Variants in CNTN1 observed in about 807,000 individuals in gnomAD.
CNTN1 encodes contactin-1.
A neutral mutation model predicts 126.4 loss-of-function variants in CNTN1; 38 were observed. The ratio of observed to expected loss-of-function variants is 0.30; its 90% CI spans 0.23 to 0.39. CNTN1 has a LOEUF of 0.39. Among genes scored for constraint, CNTN1 ranks in the 10% least tolerant of loss-of-function variants. The pLI is 1.00. For missense variants in CNTN1, 1,009 were observed against 1,248.4 expected (o/e 0.81, Z 2.89); for synonymous variants, 413 against 422.6 (o/e 0.98, Z 0.28).
At chr12:40,872,066 C>T (rs1449041222) in intron 1 of CNTN1, among the ~76,000 whole-genome samples, 3 of 152,030 alleles carry the variant, frequency 2.0e-5, no homozygotes, top group Non-Finnish European at 4.4e-5. Flanking sequence ...CCTCGGAAGT[C>T]ATCTACTGTG....
At chr12:40,900,536 C>G (rs757850567) in intron 1 of CNTN1, among the ~76,000 whole-genome samples, 1 of 152,106 alleles carries the variant, frequency 6.6e-6, no homozygotes, top group African/African-American at 2.4e-5. Flanking sequence ...TGATAAGGTA[C>G]CAACTCCACA....
intron 23 of CNTN1, among the ~76,000 whole-genome samples, chr12:41,038,671 C>G (rs560678331): frequency 6.6e-6 from 1 of 152,196 alleles, no homozygotes; most frequent in East Asian, 1.9e-4. Context: ...GCAACTTTCA[C>G]AAAATAGTGT....
At chr12:41,005,716 T>G (rs1948475212) in intron 17 of CNTN1, among the ~76,000 whole-genome samples, 1 of 152,230 alleles carries the variant, frequency 6.6e-6, no homozygotes, top group African/African-American at 2.4e-5. Flanking sequence ...ATTCTGCTGT[T>G]GATACTTGTG....
chr12:40,864,507 C>T (rs1300013861), intron 1 of CNTN1, among the ~76,000 whole-genome samples: 2 of 152,076 alleles, frequency 1.3e-5, no homozygotes, highest in Admixed American at 1.3e-4. Flanking sequence ...CCTCCTCTTA[C>T]CCCTGAGCAA....
At chr12:41,039,069 C>T (rs1174597645) in intron 23 of CNTN1, among the ~76,000 whole-genome samples, 1 of 152,162 alleles carries the variant, frequency 6.6e-6, no homozygotes, top group African/African-American at 2.4e-5. Flanking sequence ...GAATCTGAAT[C>T]ATAGAGTTTT....
chr12:40,998,986 A>C (rs1282805935), intron 17 of CNTN1, among the ~76,000 whole-genome samples: 1 of 152,120 alleles, frequency 6.6e-6, no homozygotes, highest in Non-Finnish European at 1.5e-5. Flanking sequence ...AATTTTTATA[A>C]TTTAGGATTT....
intron 1 of CNTN1, among the ~76,000 whole-genome samples, chr12:40,840,243 A>G (rs2136579098): frequency 6.6e-6 from 1 of 152,214 alleles, no homozygotes; most frequent in Middle Eastern, 3.4e-3. Context: ...AGTTTAAAAA[A>G]AGACAAAAGT....
chr12:41,034,443 G>A (rs1949212259), intron 23 of CNTN1, among the ~76,000 whole-genome samples: 1 of 152,108 alleles, frequency 6.6e-6, no homozygotes, highest in South Asian at 2.1e-4. Context: ...CACTACTCCT[G>A]TCCTCCCTTC....
At chr12:41,058,681 C>T (rs1262075914) in intron 23 of CNTN1, among the ~76,000 whole-genome samples, 2 of 151,902 alleles carry the variant, frequency 1.3e-5, no homozygotes, top group Non-Finnish European at 2.9e-5. Context: ...TGAGCCTTTT[C>T]AGAAAAGAAG....
intron 1 of CNTN1, among the ~76,000 whole-genome samples, chr12:40,754,768 T>C (rs1332292313): frequency 6.6e-6 from 1 of 152,146 alleles, no homozygotes; most frequent in African/African-American, 2.4e-5. Flanking sequence ...TCTTTTTTGC[T>C]TTATCACATC....
intron 15 of CNTN1, among the ~76,000 whole-genome samples, chr12:40,968,283 T>G (rs931574410): frequency 6.6e-6 from 1 of 152,206 alleles, no homozygotes; most frequent in African/African-American, 2.4e-5. Context: ...GGCCTTTTAC[T>G]TTCTTGGCAA....
At chr12:40,851,949 C>T (rs1265754260) in intron 1 of CNTN1, among the ~76,000 whole-genome samples, 3 of 152,164 alleles carry the variant, frequency 2.0e-5, no homozygotes, top group African/African-American at 7.2e-5. Context: ...TTTGGGCCCT[C>T]TGAGGTGAAA....
chr12:41,059,772 C>G (rs542249221), intron 23 of CNTN1, among the ~76,000 whole-genome samples: 1 of 152,206 alleles, frequency 6.6e-6, no homozygotes, highest in East Asian at 1.9e-4. Context: ...AGCCTGTAAT[C>G]CGAGTACTTT....
At chr12:40,813,134 TTTC>T (rs1941145510) in intron 1 of CNTN1, among the ~76,000 whole-genome samples, 1 of 150,224 alleles carries the variant, frequency 6.7e-6, no homozygotes, top group Admixed American at 6.7e-5. Context: ...TCTTTCTTTC[TTTC>T]TTTTTCTTTC....
At chr12:40,773,581 G>A (rs1007022171) in intron 1 of CNTN1, among the ~76,000 whole-genome samples, 1 of 149,174 alleles carries the variant, frequency 6.7e-6, no homozygotes, top group Non-Finnish European at 1.5e-5. Flanking sequence ...TTATGATAGT[G>A]CTCAGCATTC....
At chr12:40,913,520 A>C (rs1039437608) in intron 3 of CNTN1, among the ~76,000 whole-genome samples, 2 of 152,170 alleles carry the variant, frequency 1.3e-5, no homozygotes, top group African/African-American at 4.8e-5. Flanking sequence ...TTCTTACAAC[A>C]TGCTTATGTA....
At chr12:40,757,784 C>A (rs1252120213) in intron 1 of CNTN1, among the ~76,000 whole-genome samples, 1 of 152,022 alleles carries the variant, frequency 6.6e-6, no homozygotes, top group African/African-American at 2.4e-5. Context: ...AAAATAAAAC[C>A]ATTTATCTAT....
intron 1 of CNTN1, among the ~76,000 whole-genome samples, chr12:40,904,433 TTTTC>T (rs140071815): frequency 0.054 from 8,044 of 149,774 alleles, 442 homozygotes; most frequent in Admixed American, 0.15. Context: ...TTTTTTTCTT[TTTTC>T]TTTCTTTCTT....
At chr12:40,918,501 T>G in intron 3 of CNTN1, 138 bp from the exon 4 acceptor site, 3 of 751,514 alleles carry the variant, frequency 4.0e-6, no homozygotes, top group South Asian at 1.7e-5. Flanking sequence ...CTCAGTATTA[T>G]GGAGGCAAAT....
Sources: gnomAD v4.1 joint callset for allele counts (sites outside exome capture counted in the v4.1 genomes callset) on GRCh38, gnomAD v4.1.1 for gene constraint, MANE v1.5 for transcripts, NCBI Gene and HGNC (gene_info 2026-07-23, HGNC 2026-07-21) for gene names.